The following BCAR3 variants were observed in gnomAD, a reference collection of about 807,000 sequenced individuals.
BCAR3 encodes the protein BCAR3 adaptor protein, NSP family member, also known as breast cancer anti-estrogen resistance protein 3.
Under a neutral mutation model 80.1 loss-of-function variants are expected in BCAR3, and 37 were observed. That is an observed-to-expected ratio of 0.46 (90% CI 0.36 to 0.61). The LOEUF (loss-of-function observed/expected upper bound fraction) is 0.61. Ranked by LOEUF, BCAR3 falls within the 20% of genes least tolerant of loss-of-function variation. The pLI, the probability that BCAR3 is intolerant of heterozygous loss-of-function variation, is 0.00. For missense variants in BCAR3, 978 were observed against 1,068.2 expected, an observed-to-expected ratio of 0.92 and a Z score of 1.18; for synonymous variants, 389 against 418.9, an observed-to-expected ratio of 0.93 and a Z score of 0.87.
At chr1:93,648,264 G>A (rs574117213) in intron 2 of BCAR3, among the ~76,000 whole-genome samples, 5 of 152,300 alleles carry the variant, frequency 3.3e-5, no homozygotes, top group East Asian at 1.9e-4. Flanking sequence ...GGGCTTATGA[G>A]GTGAGGGTTG....
chr1:93,583,022 G>C (rs918800570), intron 6 of BCAR3, 69 bp from the exon 7 acceptor site: 2 of 1,471,270 alleles, frequency 1.4e-6, no homozygotes, highest in African/African-American at 2.8e-5. Context: ...CAAAACCAGA[G>C]TGGCAGCTCC....
chr1:93,651,360 CA>C (rs1179126496), intron 2 of BCAR3, among the ~76,000 whole-genome samples: 2 of 152,164 alleles, frequency 1.3e-5, no homozygotes, highest in Admixed American at 6.5e-5. Context: ...TGTGAAGGTC[CA>C]TGGTCATCTG....
At chr1:93,846,670 C>A (rs1032320704) in intron 1 of BCAR3, among the ~76,000 whole-genome samples, 1 of 152,052 alleles carries the variant, frequency 6.6e-6, no homozygotes, top group East Asian at 2.0e-4. Context: ...CCACATGCAC[C>A]CGCATACGCA....
chr1:93,642,999 G>A (rs755599497), intron 2 of BCAR3, among the ~76,000 whole-genome samples: 12 of 151,676 alleles, frequency 7.9e-5, no homozygotes, highest in Admixed American at 5.9e-4. Flanking sequence ...AGGCCAAGGC[G>A]GGAGGATCAA....
intron 2 of BCAR3, among the ~76,000 whole-genome samples, chr1:93,730,875 A>G (rs971445694): frequency 3.3e-5 from 5 of 152,198 alleles, no homozygotes; most frequent in African/African-American, 1.2e-4. Flanking sequence ...GTGGGGAAAG[A>G]ACTTGGCAGT....
intron 2 of BCAR3, among the ~76,000 whole-genome samples, chr1:93,833,749 A>G (rs1442436939): frequency 6.6e-6 from 1 of 152,150 alleles, no homozygotes; most frequent in African/African-American, 2.4e-5. Flanking sequence ...TGTTCTTTTC[A>G]AGGTGCCTAG....
At chr1:93,806,295 G>A (rs1653650808) in intron 2 of BCAR3, among the ~76,000 whole-genome samples, 1 of 152,202 alleles carries the variant, frequency 6.6e-6, no homozygotes, top group Non-Finnish European at 1.5e-5. Flanking sequence ...AGAGAGGCCA[G>A]ATGGTTGAGG....
chr1:93,775,363 A>G (rs984814598), intron 2 of BCAR3: 13 of 152,150 alleles, frequency 8.5e-5, no homozygotes, highest in Admixed American at 5.2e-4. Flanking sequence ...GGTGCTCTCC[A>G]TAGAGAGGCA....
At position 93,607,803 on chromosome 1, in the gene BCAR3, C is replaced by T. The variant is rs1281117934; in HGVS notation, c.358-15410G>A. On this transcript the variant is annotated intron_variant, in intron 3 of 11. Coordinates refer to ENST00000260502, the MANE Select transcript of BCAR3 (RefSeq NM_003567.4). ...ATCCAGGGCTGGGTTAAAGACCTCTCCCTGGATCTCACAATAGGCTGTGCA... is the reference window on the plus strand; with the variant it reads ...ATCCAGGGCTGGGTTAAAGACCTCTTCCTGGATCTCACAATAGGCTGTGCA... Among the ~76,000 whole-genome samples, 4 of 152,322 alleles carry T rather than the reference C, an allele frequency of 2.6e-5. No homozygotes were observed. In the South Asian group the frequency reaches 8.3e-4, roughly 32 times the overall value.
At chr1:93,790,703 G>T in intron 2 of BCAR3, among the ~76,000 whole-genome samples, 1 of 103,476 alleles carries the variant, frequency 9.7e-6, no homozygotes, top group East Asian at 3.0e-4. Context: ...TGCACATTGT[G>T]CAGGTTAGTT....
chr1:93,716,049 G>A (rs1650179227), intron 2 of BCAR3, among the ~76,000 whole-genome samples: 1 of 152,336 alleles, frequency 6.6e-6, no homozygotes, highest in South Asian at 2.1e-4. Context: ...GGTGTTGGAA[G>A]GGCCCAGAAC....
In BCAR3 at chr1:93,592,136, T is replaced by C; in HGVS notation, c.486+129A>G. ...AGAAGGGTCTAAATGAAGTCATTTTTAGAGTATTTGTTTTTGGTTACACAG... is the reference window on the plus strand; with the variant it reads ...AGAAGGGTCTAAATGAAGTCATTTTCAGAGTATTTGTTTTTGGTTACACAG... On this transcript the variant is annotated intron_variant, in intron 4 of 11. Transcript: ENST00000260502. This position sits in a 1 kb window ranked among gnomAD's most constrained non-coding sequence, Gnocchi z 4.8. The C allele has an allele frequency of 7.4e-7, 1 of 1,344,474 alleles. No homozygotes were observed. The highest frequency in any genetic ancestry group is 1.0e-6 in the Non-Finnish European group (1 of 990,602). 83.3% of individuals were successfully genotyped at this position (1,344,474 alleles called of 1,614,324 possible). A position where few individuals can be genotyped will look rare whatever the true frequency, so the allele number is the denominator to read the frequency against.
In BCAR3 at chr1:93,770,211, C is replaced by G. The variant is rs113022763; in HGVS notation, c.-62-64069G>C. The stretch of plus-strand genomic sequence containing the variant: ...AAGTTGAAACAGCAAGAGAATACTT[C>G]GAGGCATCTAACGGAAGAGCTGCTG... On this transcript the variant is annotated intron_variant, in intron 2 of 13. Transcript: ENST00000370244. Among the ~76,000 whole-genome samples, 139 of 152,248 alleles carry G rather than the reference C, an allele frequency of 9.1e-4. 3 individuals are homozygous for G. Among genetic ancestry groups the G allele is most frequent in the African/African-American group, 3.2e-3 (134 of 41,540 alleles).
intron 3 of BCAR3, among the ~76,000 whole-genome samples, chr1:93,619,147 C>T (rs767982610): frequency 1.5e-4 from 23 of 150,002 alleles, no homozygotes; most frequent in Non-Finnish European, 2.8e-4. Context: ...TTGGTTTCAC[C>T]ATGTTGGCCA....
Position 93,824,030 on chromosome 1 carries a change from C to G in BCAR3, c.-63+21537G>C, listed in dbSNP as rs140957960. ...ATCTCATTGTTTACTTGTCTGTCAC[C>G]CCTCACTAGAAGGTAACCTAGAATA... On this transcript the variant is annotated intron_variant, in intron 2 of 13. Transcript: ENST00000370244. Among the ~76,000 whole-genome samples the G allele has an allele frequency of 3.2e-3, 429 of 133,880 alleles. 46 individuals are homozygous for G. The highest frequency in any genetic ancestry group is 0.01 in the African/African-American group (402 of 39,880). 87.8% of individuals were successfully genotyped at this position (133,880 alleles called of 152,430 possible).
chr1:93,613,931 CT>C, intron 3 of BCAR3: 2 of 1,550,480 alleles, frequency 1.3e-6, no homozygotes, highest in Non-Finnish European at 1.7e-6. Flanking sequence ...CCTTAGGCAT[CT>C]TTCGGTCTTC....
chr1:93,621,062 C>T (rs762833589), intron 3 of BCAR3, among the ~76,000 whole-genome samples: 5 of 152,198 alleles, frequency 3.3e-5, no homozygotes, highest in African/African-American at 9.7e-5. Context: ...AACCCAGGGG[C>T]GGAGGGCGGG....
At chr1:93,781,107 C>G (rs1652747011) in intron 2 of BCAR3, among the ~76,000 whole-genome samples, 2 of 152,258 alleles carry the variant, frequency 1.3e-5, no homozygotes, top group South Asian at 4.1e-4. Context: ...GACTAAAGCA[C>G]CTGCCCCTAG....
chr1:93,694,673 C>G (rs537290902), intron 3 of BCAR3, among the ~76,000 whole-genome samples: 142 of 152,348 alleles, frequency 9.3e-4, no homozygotes, highest in Non-Finnish European at 1.8e-3. Flanking sequence ...TCCCCTGGCT[C>G]CTGTCCCAGA....
Sources: allele counts gnomAD v4.1 joint callset (sites outside exome capture counted in the v4.1 genomes callset), GRCh38; gene constraint gnomAD v4.1.1; non-coding constraint Gnocchi (gnomAD v3.1); transcripts MANE v1.5; gene names NCBI Gene and HGNC (gene_info 2026-07-23, HGNC 2026-07-21).